Variants in SUSD6 observed in about 807,000 individuals in gnomAD.
The protein encoded by SUSD6 is sushi domain containing 6.
SUSD6 carries 16 observed loss-of-function variants against 28.4 expected under a neutral mutation model. The observed-to-expected ratio is 0.56, with a 90% CI of 0.38 to 0.86. The LOEUF is 0.86. Ranked by LOEUF, SUSD6 falls within the 40% of genes least tolerant of loss-of-function variation. The probability of loss-of-function intolerance (pLI) is 0.00; values close to 1 mark genes in which losing one functional copy is unlikely to be tolerated. For missense variants in SUSD6, 341 were observed against 384.2 expected, an observed-to-expected ratio of 0.89 and a Z score of 0.94; for synonymous variants, 147 against 159.6, an observed-to-expected ratio of 0.92 and a Z score of 0.59.
chr14:69,621,963 T>G (rs1885047249), intron 1 of SUSD6, among the ~76,000 whole-genome samples: 1 of 152,166 alleles, frequency 6.6e-6, no homozygotes. Flanking sequence ...TTTCTGTGAA[T>G]AGTGAAGGTA....
intron 1 of SUSD6, among the ~76,000 whole-genome samples, chr14:69,636,161 A>T (rs1460368950): frequency 6.6e-6 from 1 of 152,208 alleles, no homozygotes; most frequent in East Asian, 1.9e-4. Context: ...TTACACTCAA[A>T]GCTAATGAGT....
intron 4 of SUSD6, among the ~76,000 whole-genome samples, chr14:69,705,524 T>C (rs1886376203): frequency 2.0e-5 from 3 of 152,200 alleles, no homozygotes; most frequent in Non-Finnish European, 1.5e-5. Flanking sequence ...ACACTTAAGT[T>C]TGTGAGCCAC....
In SUSD6 at chr14:69,712,827, G is replaced by T. The variant is rs1886484637; in HGVS notation, c.*1848G>T. The T allele has an allele frequency of 6.6e-6, 1 of 152,632 alleles. No individual in the cohort carries two copies. Among genetic ancestry groups the T allele is most frequent in the Non-Finnish European group, 1.5e-5 (1 of 68,428 alleles). The allele number at this position is 152,632 out of a possible 1,614,324, so 9.5% of individuals were successfully genotyped here. On this transcript the variant is annotated 3_prime_UTR_variant, in exon 6 of 6. Transcript: ENST00000342745. ...CACTCCCACACTTCCCCTCCCCCAGGAGCCCTCATCTGCTGTGCTGAGTCC... is the reference window on the plus strand; with the variant it reads ...CACTCCCACACTTCCCCTCCCCCAGTAGCCCTCATCTGCTGTGCTGAGTCC...
intron 2 of SUSD6, among the ~76,000 whole-genome samples, chr14:69,690,664 A>T (rs1470453425): frequency 4.6e-5 from 7 of 152,224 alleles, no homozygotes; most frequent in Non-Finnish European, 1.0e-4. Flanking sequence ...CCAAGAAGGC[A>T]TGGCAAACTG....
intron 1 of SUSD6, among the ~76,000 whole-genome samples, chr14:69,618,134 G>A (rs1022575075): frequency 2.0e-5 from 3 of 152,198 alleles, no homozygotes; most frequent in East Asian, 3.8e-4. Flanking sequence ...ACCACAGGTT[G>A]AGTTTCCCTA....
chr14:69,620,653 A>G (rs773301524), intron 1 of SUSD6, among the ~76,000 whole-genome samples: 1 of 152,202 alleles, frequency 6.6e-6, no homozygotes, highest in Non-Finnish European at 1.5e-5. Context: ...AAGAACTTGA[A>G]AAGTATCGTT....
intron 1 of SUSD6, among the ~76,000 whole-genome samples, chr14:69,640,418 C>G (rs988169581): frequency 6.6e-6 from 1 of 152,080 alleles, no homozygotes; most frequent in Non-Finnish European, 1.5e-5. Context: ...ACTGTAACCT[C>G]GAACTCCTTG....
chr14:69,649,698 T>A (rs1885476436), intron 1 of SUSD6, among the ~76,000 whole-genome samples: 1 of 152,106 alleles, frequency 6.6e-6, no homozygotes, highest in African/African-American at 2.4e-5. Flanking sequence ...TAACTGTGAG[T>A]GGCCTTCGGG....
chr14:69,697,053 G>A (rs1245601292), intron 2 of SUSD6, among the ~76,000 whole-genome samples: 1 of 152,226 alleles, frequency 6.6e-6, no homozygotes, highest in Non-Finnish European at 1.5e-5. Flanking sequence ...TTCCAGGAAA[G>A]GGGTGGGAAT....
chr14:69,646,191 G>A (rs1321556283), intron 1 of SUSD6, among the ~76,000 whole-genome samples: 1 of 152,184 alleles, frequency 6.6e-6, no homozygotes, highest in Non-Finnish European at 1.5e-5. Flanking sequence ...GGCCTTTGCT[G>A]TATCTGCCAC....
At chr14:69,659,125 A>T (rs1052031400) in intron 2 of SUSD6, among the ~76,000 whole-genome samples, 4 of 152,250 alleles carry the variant, frequency 2.6e-5, no homozygotes, top group Non-Finnish European at 4.4e-5. Flanking sequence ...CAGCTGCAGA[A>T]TGGGATAATA....
At chr14:69,672,004 A>C (rs188827257) in intron 2 of SUSD6, among the ~76,000 whole-genome samples, 40 of 152,332 alleles carry the variant, frequency 2.6e-4, no homozygotes, top group African/African-American at 9.4e-4. Context: ...CCGGGTAAAC[A>C]ATAAAAGTCT....
chr14:69,622,356 C>T (rs568580675), intron 1 of SUSD6, among the ~76,000 whole-genome samples: 6 of 151,940 alleles, frequency 3.9e-5, no homozygotes, highest in Middle Eastern at 3.4e-3. Context: ...TTTGCAGAGA[C>T]GGGGTTTTGC....
chr14:69,643,565 C>T (rs1885383970), intron 1 of SUSD6, among the ~76,000 whole-genome samples: 1 of 152,156 alleles, frequency 6.6e-6, no homozygotes, highest in African/African-American at 2.4e-5. Flanking sequence ...TCCCATTAAA[C>T]CTGGGCAAAC....
chr14:69,660,120 G>T (rs1304451545), intron 2 of SUSD6, among the ~76,000 whole-genome samples: 1 of 152,142 alleles, frequency 6.6e-6, no homozygotes, highest in Non-Finnish European at 1.5e-5. Context: ...GGGGACTTTG[G>T]TGGGGACAGT....
intron 1 of SUSD6, among the ~76,000 whole-genome samples, chr14:69,644,035 C>T (rs1233316260): frequency 1.3e-5 from 2 of 152,194 alleles, no homozygotes; most frequent in African/African-American, 4.8e-5. Flanking sequence ...GGCTGTATAT[C>T]TCCCATGACT....
intron 1 of SUSD6, among the ~76,000 whole-genome samples, chr14:69,623,208 A>G (rs1303876125): frequency 6.6e-6 from 1 of 152,232 alleles, no homozygotes; most frequent in African/African-American, 2.4e-5. Flanking sequence ...TAAAGTCAGC[A>G]TGTATTTGTG....
intron 2 of SUSD6, among the ~76,000 whole-genome samples, chr14:69,670,001 C>T (rs893755493): frequency 2.5e-4 from 38 of 152,200 alleles, no homozygotes; most frequent in African/African-American, 9.2e-4. Context: ...TTGTTCTGTA[C>T]ATCATGGTAC....
At chr14:69,690,160 G>A (rs896028758) in intron 2 of SUSD6, among the ~76,000 whole-genome samples, 1 of 152,190 alleles carries the variant, frequency 6.6e-6, no homozygotes, top group South Asian at 2.1e-4. Context: ...AGTGGCTTGC[G>A]AGAGACTAGG....
Sources: gnomAD v4.1 joint callset for allele counts (sites outside exome capture counted in the v4.1 genomes callset) on GRCh38, gnomAD v4.1.1 for gene constraint, MANE v1.5 for transcripts, NCBI Gene and HGNC (gene_info 2026-07-23, HGNC 2026-07-21) for gene names.